Variants in NINL observed in about 807,000 individuals in gnomAD.
NINL encodes the protein ninein-like protein.
A neutral mutation model predicts 160.3 loss-of-function variants in NINL; 153 were observed. The observed-to-expected ratio is 0.95, with a 90% CI of 0.84 to 1.09. NINL has a LOEUF of 1.09. Ranked by LOEUF, NINL falls within the 50% of genes least tolerant of loss-of-function variation. The probability of loss-of-function intolerance (pLI) is 0.00; values close to 1 mark genes in which losing one functional copy is unlikely to be tolerated. For synonymous variants in NINL, 800 were observed against 734.8 expected (o/e 1.09, Z -1.43); for missense variants, 1,829 against 1,764.0 (o/e 1.04, Z -0.66).
intron 1 of NINL, among the ~76,000 whole-genome samples, chr20:25,559,597 C>A (rs1266966046): frequency 6.6e-6 from 1 of 151,594 alleles, no homozygotes. Context: ...CTCTATCTTG[C>A]CAGGTGTTTT....
At chr20:25,492,688 G>GTGATC (rs2063667030) in intron 10 of NINL, among the ~76,000 whole-genome samples, 1 of 151,980 alleles carries the variant, frequency 6.6e-6, no homozygotes, top group Non-Finnish European at 1.5e-5. Context: ...TCCTGACCTC[G>GTGATC]TGATCTGCCT....
At chr20:25,484,511 T>C (rs1231930247) in intron 13 of NINL, among the ~76,000 whole-genome samples, 1 of 152,218 alleles carries the variant, frequency 6.6e-6, no homozygotes, top group Non-Finnish European at 1.5e-5. Context: ...CAGCCAACAC[T>C]GCGGGGCATG....
Position 25,491,342 on chromosome 20 carries a change from T to C in NINL, c.1485+9A>G. The C allele has an allele frequency of 6.3e-7, 1 of 1,599,034 alleles. No homozygotes were observed. Among genetic ancestry groups the C allele is most frequent in the Non-Finnish European group, 8.5e-7 (1 of 1,173,776 alleles). On this transcript the variant is annotated intron_variant, in intron 11 of 23. Transcript: ENST00000278886. ...CCCAGCTTCCTGGATGCCCTGGGGATGCCCCTACCTTCAGGGCCAGGGTCA... is the reference window on the plus strand; with the variant it reads ...CCCAGCTTCCTGGATGCCCTGGGGACGCCCCTACCTTCAGGGCCAGGGTCA...
rs756852415 is a variant in NINL at position 25,477,090 on chromosome 20, C to T, written c.2202-1G>A. ...ACTCAGCTCCGCCTCAGCCTCTCTC[C>T]TGTGGAAGTAGAACCGTCACACACC... On this transcript the variant is annotated splice_acceptor_variant, in intron 16 of 23. Transcript: ENST00000278886. LOFTEE classifies it high-confidence loss of function. The T allele has an allele frequency of 1.3e-6, 2 of 1,589,542 alleles. No individual in the cohort carries two copies. Among genetic ancestry groups the T allele is most frequent in the East Asian group, 2.2e-5 (1 of 44,694 alleles).
At chr20:25,499,291 C>T in intron 8 of NINL, 1 of 938,558 alleles carries the variant, frequency 1.1e-6, no homozygotes, top group Non-Finnish European at 1.3e-6. Context: ...ACCGCCACAG[C>T]AGCCTGAGGT....
chr20:25,470,060 A>G lies in NINL; in HGVS notation c.3284T>C (p.Leu1095Ser), dbSNP rs746415148. 8.7e-6 allele frequency: 14 copies of G among 1,614,008 alleles called. No homozygotes were observed. Among genetic ancestry groups the G allele is most frequent in the Middle Eastern group, 1.6e-4 (1 of 6,084 alleles). ...EFHRLSEENT[L>S]LKNDLGRVRQ... ...AACCCTTCCCAGATCGTTTTTCAAC[A>G]AAGTGTTTTCTTCAGAAAGTCTATG... Residue 1095 changes from leucine (L) to serine (S), a missense_variant, in exon 18 of 24, where the codon TTG becomes TCG. Transcript: ENST00000278886.
At chr20:25,522,504 G>A (rs544429160) in intron 2 of NINL, among the ~76,000 whole-genome samples, 1 of 152,310 alleles carries the variant, frequency 6.6e-6, no homozygotes, top group Middle Eastern at 3.4e-3. Flanking sequence ...TTGAATGCAT[G>A]TCCTTTCACA....
At chr20:25,494,062 C>T (rs2063697915) in intron 10 of NINL, among the ~76,000 whole-genome samples, 1 of 151,912 alleles carries the variant, frequency 6.6e-6, no homozygotes, top group Non-Finnish European at 1.5e-5. Context: ...CCGCACAGGC[C>T]CCATGCATGT....
chr20:25,496,936 A>C, intron 9 of NINL, 133 bp from the exon 10 acceptor site: 2 of 1,164,464 alleles, frequency 1.7e-6, no homozygotes, highest in Non-Finnish European at 1.2e-6. Context: ...GCACTGCTCC[A>C]CCAGCCTGCT....
chr20:25,489,400 C>T (rs2063573750), intron 12 of NINL, 76 bp from the exon 13 acceptor site: 1 of 1,324,398 alleles, frequency 7.6e-7, no homozygotes, highest in Admixed American at 1.7e-5. Flanking sequence ...CCCCTGGGCT[C>T]CAAGAACCTG....
chr20:25,514,579 TTAATATCTAAG>T (rs2064130123), intron 3 of NINL, among the ~76,000 whole-genome samples: 2 of 152,156 alleles, frequency 1.3e-5, no homozygotes, highest in African/African-American at 4.8e-5. Context: ...GAGCCGGATG[TTAATATCTAAG>T]ACAATGGAAG....
chr20:25,453,372 G>C lies in NINL; in HGVS notation c.*79C>G. 7.7e-7 allele frequency: 1 copy of C among 1,305,688 alleles called. No homozygotes were observed. The highest frequency in any genetic ancestry group is 1.1e-6 in the Non-Finnish European group (1 of 936,076). The allele number at this position is 1,305,688 out of a possible 1,614,324, so 80.9% of individuals were successfully genotyped here. On this transcript the variant is annotated 3_prime_UTR_variant, in exon 24 of 24. Coordinates refer to ENST00000278886, the MANE Select transcript of NINL (RefSeq NM_025176.6). ...AGATGTCCCAGGACTCATGGCTCAT[G>C]ACCCACGGAATCTAAGGCAGCACAG...
At chr20:25,584,756 C>G (rs2122129907) in intron 1 of NINL, among the ~76,000 whole-genome samples, 1 of 152,292 alleles carries the variant, frequency 6.6e-6, no homozygotes, top group East Asian at 1.9e-4. Flanking sequence ...TGCAAACATA[C>G]AGCCCCACAC....
intron 1 of NINL, among the ~76,000 whole-genome samples, chr20:25,585,035 G>C (rs73339309): frequency 7.6e-6 from 1 of 130,990 alleles, no homozygotes; most frequent in African/African-American, 2.6e-5. Context: ...ACCAGACGCC[G>C]GCGGCGTCAG....
intron 11 of NINL, among the ~76,000 whole-genome samples, chr20:25,490,824 G>A (rs1402520998): frequency 2.6e-5 from 4 of 152,102 alleles, no homozygotes. Context: ...GGGGAGTTAG[G>A]AGAGGAGGAC....
intron 1 of NINL, among the ~76,000 whole-genome samples, chr20:25,528,816 A>G (rs2064401429): frequency 6.6e-6 from 1 of 152,262 alleles, no homozygotes; most frequent in Non-Finnish European, 1.5e-5. Context: ...AAGAGGAAAT[A>G]TAAGGAAACA....
At chr20:25,496,831 T>A in intron 9 of NINL, 28 bp from the exon 10 acceptor site, 2 of 1,610,702 alleles carry the variant, frequency 1.2e-6, no homozygotes, top group Non-Finnish European at 1.7e-6. Context: ...CAGGGTCAGA[T>A]GGGACCCCAC....
At chr20:25,539,268 C>G (rs189819945) in intron 1 of NINL, among the ~76,000 whole-genome samples, 1 of 152,354 alleles carries the variant, frequency 6.6e-6, no homozygotes, top group East Asian at 1.9e-4. Flanking sequence ...GCAGCGGGAT[C>G]TTCCTGACCC....
At chr20:25,489,055 G>A in intron 13 of NINL, 189 bp downstream of exon 13, 1 of 611,540 alleles carries the variant, frequency 1.6e-6, no homozygotes, top group Admixed American at 2.8e-5. Flanking sequence ...CACAGAGGCG[G>A]CCTTCAGGAT....
Sources: gnomAD v4.1 joint callset for allele counts (sites outside exome capture counted in the v4.1 genomes callset) on GRCh38, gnomAD v4.1.1 for gene constraint, MANE v1.5 for transcripts, NCBI Gene and HGNC (gene_info 2026-07-23, HGNC 2026-07-21) for gene names.